TRIM9: variants seen among roughly 807,000 people sequenced by gnomAD.
TRIM9 encodes the protein E3 ubiquitin-protein ligase TRIM9.
Under a neutral mutation model 78.3 loss-of-function variants are expected in TRIM9, and 26 were observed. The observed-to-expected ratio is 0.33, with a 90% CI of 0.24 to 0.46. TRIM9 has a LOEUF of 0.46. Ranked by LOEUF, TRIM9 falls within the 20% of genes least tolerant of loss-of-function variation. TRIM9 has a pLI of 1.00. For synonymous variants in TRIM9, 398 were observed against 416.5 expected (o/e 0.96, Z 0.54); for missense variants, 787 against 1,036.4 (o/e 0.76, Z 3.30).
intron 3 of TRIM9, among the ~76,000 whole-genome samples, chr14:51,022,269 G>A (rs1478325375): frequency 6.6e-6 from 1 of 152,126 alleles, no homozygotes; most frequent in African/African-American, 2.4e-5. Flanking sequence ...TCTTGGGAGT[G>A]GGTTAATTAT....
intron 7 of TRIM9, chr14:50,986,427 A>G (rs2052722857): frequency 3.9e-6 from 1 of 255,566 alleles, no homozygotes; most frequent in African/African-American, 2.2e-5. Flanking sequence ...TTAATTAAAT[A>G]AAATACTTTT....
intron 3 of TRIM9, among the ~76,000 whole-genome samples, chr14:51,011,955 T>G (rs2056631271): frequency 6.6e-6 from 1 of 152,224 alleles, no homozygotes; most frequent in African/African-American, 2.4e-5. Context: ...TAATCTTAAT[T>G]TGCTTAATCA....
At chr14:51,052,200 C>T (rs1294103139) in intron 1 of TRIM9, among the ~76,000 whole-genome samples, 1 of 152,086 alleles carries the variant, frequency 6.6e-6, no homozygotes, top group Admixed American at 6.6e-5. Context: ...TTAATTATCT[C>T]AATATATATT....
chr14:50,994,931 G>A (rs2054004317), intron 7 of TRIM9, among the ~76,000 whole-genome samples: 1 of 152,154 alleles, frequency 6.6e-6, no homozygotes, highest in Non-Finnish European at 1.5e-5. Flanking sequence ...TTTTTTCCAT[G>A]GGTGTCTTTG....
chr14:51,063,625 A>G (rs895207564), intron 1 of TRIM9, among the ~76,000 whole-genome samples: 2 of 152,128 alleles, frequency 1.3e-5, no homozygotes, highest in African/African-American at 4.8e-5. Flanking sequence ...GGGGAGTGAC[A>G]CTATAAGTAA....
At chr14:51,092,723 ATAT>A (rs1176962438) in intron 1 of TRIM9, among the ~76,000 whole-genome samples, 1 of 152,194 alleles carries the variant, frequency 6.6e-6, no homozygotes, top group Non-Finnish European at 1.5e-5. Flanking sequence ...CAGTGTGGGC[ATAT>A]TATAAGGATC....
At chr14:51,049,594 G>A (rs987203302) in intron 1 of TRIM9, among the ~76,000 whole-genome samples, 6 of 152,086 alleles carry the variant, frequency 3.9e-5, no homozygotes, top group African/African-American at 7.2e-5. Context: ...TTGGGAGGCC[G>A]AGAGGGGTGG....
intron 1 of TRIM9, among the ~76,000 whole-genome samples, chr14:51,080,533 TA>T (rs1173991182): frequency 2.0e-5 from 3 of 149,296 alleles, no homozygotes; most frequent in Non-Finnish European, 4.4e-5. Context: ...TTAATGTAAA[TA>T]ATAAAAAAAA....
At chr14:51,075,896 C>T (rs2062735678) in intron 1 of TRIM9, among the ~76,000 whole-genome samples, 1 of 152,026 alleles carries the variant, frequency 6.6e-6, no homozygotes, top group Non-Finnish European at 1.5e-5. Context: ...AACATACAAC[C>T]TAAAAGGTGA....
At chr14:51,032,806 G>A (rs991701592) in intron 1 of TRIM9, among the ~76,000 whole-genome samples, 2 of 152,196 alleles carry the variant, frequency 1.3e-5, no homozygotes, top group South Asian at 4.1e-4. Context: ...TATATGCAAT[G>A]CCTAGCATAT....
chr14:51,043,871 T>C (rs562700897), intron 1 of TRIM9, among the ~76,000 whole-genome samples: 16 of 152,256 alleles, frequency 1.1e-4, no homozygotes, highest in Non-Finnish European at 2.2e-4. Context: ...AGCTTAAAGC[T>C]CAAGAGGCCA....
At chr14:51,080,471 ACACACACAC>A in intron 1 of TRIM9, among the ~76,000 whole-genome samples, 1 of 140,196 alleles carries the variant, frequency 7.1e-6, no homozygotes, top group Non-Finnish European at 1.6e-5. Flanking sequence ...ACACACACAC[ACACACACAC>A]GGAGAAACAA....
chr14:51,037,249 C>G (rs1380978687), intron 1 of TRIM9, among the ~76,000 whole-genome samples: 2 of 152,148 alleles, frequency 1.3e-5, no homozygotes, highest in African/African-American at 4.8e-5. Context: ...GATATTAATA[C>G]AGAGAGCCAC....
chr14:50,981,398 C>G (rs538174637), intron 11 of TRIM9, among the ~76,000 whole-genome samples: 1 of 152,252 alleles, frequency 6.6e-6, no homozygotes, highest in Admixed American at 6.5e-5. Context: ...AAGATTCCCA[C>G]AAGGAAAAAT....
intron 5 of TRIM9, among the ~76,000 whole-genome samples, chr14:51,007,045 G>T (rs1027402646): frequency 6.6e-6 from 1 of 152,128 alleles, no homozygotes; most frequent in Non-Finnish European, 1.5e-5. Context: ...ACTCAGGAGG[G>T]CAATGAATGG....
At chr14:51,059,275 A>T (rs2061142642) in intron 1 of TRIM9, among the ~76,000 whole-genome samples, 1 of 152,236 alleles carries the variant, frequency 6.6e-6, no homozygotes, top group African/African-American at 2.4e-5. Flanking sequence ...TGACTTCTGA[A>T]TTAGTTTCTA....
intron 7 of TRIM9, among the ~76,000 whole-genome samples, chr14:50,991,139 A>G (rs982967075): frequency 6.6e-6 from 1 of 152,214 alleles, no homozygotes; most frequent in Non-Finnish European, 1.5e-5. Context: ...TTAGAATACC[A>G]TGGCATTATT....
At chr14:50,981,522 T>C (rs891680645) in intron 11 of TRIM9, among the ~76,000 whole-genome samples, 1 of 152,206 alleles carries the variant, frequency 6.6e-6, no homozygotes. Context: ...TCCTGGATTG[T>C]TTTCTTATAA....
Position 51,070,832 on chromosome 14 carries a change from A to G in TRIM9, c.822+23286T>C, listed in dbSNP as rs371575605. ...TTCCTGTTATTCCTGTGGACCAAATATGCACATCTTGCTTGTATCATCTGG... is the reference window on the plus strand; with the variant it reads ...TTCCTGTTATTCCTGTGGACCAAATGTGCACATCTTGCTTGTATCATCTGG... On this transcript the variant is annotated intron_variant, in intron 1 of 12. Transcript: ENST00000684578. Among the ~76,000 whole-genome samples the G allele has an allele frequency of 3.3e-5, 5 of 152,298 alleles. No individual in the cohort carries two copies. In the East Asian group the frequency reaches 7.7e-4, roughly 23 times the overall value.
Sources: gnomAD v4.1 joint callset for allele counts (sites outside exome capture counted in the v4.1 genomes callset) on GRCh38, gnomAD v4.1.1 for gene constraint, MANE v1.5 for transcripts, NCBI Gene and HGNC (gene_info 2026-07-23, HGNC 2026-07-21) for gene names.